The following DIAPH3 variants were observed in gnomAD, a reference collection of about 807,000 sequenced individuals.
DIAPH3 encodes the protein protein diaphanous homolog 3.
In DIAPH3, 117 loss-of-function variants were observed where a neutral mutation model predicts 144.3. The ratio of observed to expected loss-of-function variants is 0.81; its 90% confidence interval spans 0.70 to 0.95. DIAPH3 has a LOEUF of 0.95. Among genes scored for constraint, DIAPH3 ranks in the 40% least tolerant of loss-of-function variants. The probability of loss-of-function intolerance (pLI) is 0.00; values close to 1 mark genes in which losing one functional copy is unlikely to be tolerated. For synonymous variants in DIAPH3, 519 were observed against 488.9 expected (o/e 1.06, Z -0.81); for missense variants, 1,421 against 1,412.7 (o/e 1.01, Z -0.09).
intron 27 of DIAPH3, among the ~76,000 whole-genome samples, chr13:59,764,985 T>C (rs761944014): frequency 4.3e-4 from 66 of 152,110 alleles, no homozygotes; most frequent in Non-Finnish European, 7.9e-4. Context: ...TGTCTACATA[T>C]TGTTGTTCCA....
At chr13:59,706,911 A>T (rs2034461334) in intron 27 of DIAPH3, among the ~76,000 whole-genome samples, 1 of 152,236 alleles carries the variant, frequency 6.6e-6, no homozygotes, top group African/African-American at 2.4e-5. Context: ...ACTAACAAAA[A>T]TATGTTGCTA....
At chr13:59,794,710 T>G (rs1593874836) in intron 25 of DIAPH3, among the ~76,000 whole-genome samples, 2 of 152,272 alleles carry the variant, frequency 1.3e-5, no homozygotes, top group South Asian at 4.2e-4. Flanking sequence ...GGTCTCATTG[T>G]GTGGCCCAGA....
At chr13:59,928,773 C>T (rs965233851) in intron 17 of DIAPH3, among the ~76,000 whole-genome samples, 7 of 152,138 alleles carry the variant, frequency 4.6e-5, no homozygotes, top group African/African-American at 1.7e-4. Context: ...GCCCAAGTGG[C>T]ATGTATATGG....
chr13:59,774,915 G>T, intron 25 of DIAPH3, 92 bp from the exon 26 acceptor site: 1 of 1,040,022 alleles, frequency 9.6e-7, no homozygotes, highest in Non-Finnish European at 1.5e-6. Context: ...GTGATGGTAG[G>T]GAGAAAAAAG....
intron 22 of DIAPH3, among the ~76,000 whole-genome samples, chr13:59,851,351 C>A (rs76767072): frequency 0.012 from 1,800 of 152,234 alleles, 16 homozygotes; most frequent in Middle Eastern, 0.031. Context: ...TCTCAAATAC[C>A]AACATAAATG....
At chr13:60,158,507 C>T (rs886466107) in intron 1 of DIAPH3, among the ~76,000 whole-genome samples, 3 of 152,152 alleles carry the variant, frequency 2.0e-5, no homozygotes, top group Non-Finnish European at 4.4e-5. Flanking sequence ...GATTCAATCT[C>T]CATGTGCTGA....
At chr13:60,004,361 T>C (rs543179952) in intron 9 of DIAPH3, among the ~76,000 whole-genome samples, 2 of 152,352 alleles carry the variant, frequency 1.3e-5, no homozygotes, top group African/African-American at 2.4e-5. Flanking sequence ...TAGGTATTTT[T>C]AGATATTACT....
chr13:59,872,861 A>C (rs2044363902), intron 21 of DIAPH3, among the ~76,000 whole-genome samples: 1 of 152,212 alleles, frequency 6.6e-6, no homozygotes, highest in Non-Finnish European at 1.5e-5. Flanking sequence ...TATGCTTGCT[A>C]TGAGAGCAGG....
chr13:59,843,043 C>T, intron 22 of DIAPH3, among the ~76,000 whole-genome samples: 1 of 152,176 alleles, frequency 6.6e-6, no homozygotes, highest in East Asian at 1.9e-4. Context: ...GCCCACAGTT[C>T]TAACCCTTTA....
intron 9 of DIAPH3, among the ~76,000 whole-genome samples, chr13:60,001,745 T>C (rs1288029710): frequency 6.6e-6 from 1 of 152,196 alleles, no homozygotes; most frequent in South Asian, 2.1e-4. Flanking sequence ...AATGTTCAAG[T>C]GTTTAAAGAA....
chr13:59,929,713 G>A (rs1246984915), intron 17 of DIAPH3, among the ~76,000 whole-genome samples: 1 of 151,222 alleles, frequency 6.6e-6, no homozygotes, highest in Non-Finnish European at 1.5e-5. Context: ...ACAGGCTCAT[G>A]CCATTATGCC....
intron 7 of DIAPH3, chr13:60,012,948 A>T (rs1182072540): frequency 6.3e-6 from 6 of 951,828 alleles, no homozygotes; most frequent in Non-Finnish European, 7.5e-6. Context: ...AGTATCTATA[A>T]ATACAGAATT....
chr13:59,812,248 GCATCCATCCATCCATCCATCCATCCATC>G (rs67202819), intron 24 of DIAPH3, among the ~76,000 whole-genome samples: 3 of 150,022 alleles, frequency 2.0e-5, no homozygotes, highest in East Asian at 3.9e-4. Flanking sequence ...ATGCATGCAT[GCATCCATCCATCCATCCATCCATCCATC>G]CATCCATCCA....
chr13:60,152,495 T>C lies in DIAPH3; in HGVS notation c.180+11092A>G, dbSNP rs552661598. Among the ~76,000 whole-genome samples the C allele has an allele frequency of 5.9e-4, 88 of 149,642 alleles. No homozygotes were observed. In the South Asian group the frequency reaches 0.018, roughly 31 times the overall value. On this transcript the variant is annotated intron_variant, in intron 1 of 27. Coordinates refer to ENST00000400324, the MANE Select transcript of DIAPH3 (RefSeq NM_001042517.2). ...ATTTACTTTTAGGGAAAGATATATA[T>C]ATATATATATAAATTGGAACCCTAA...
intron 17 of DIAPH3, among the ~76,000 whole-genome samples, chr13:59,926,925 A>C (rs1194970710): frequency 6.6e-6 from 1 of 152,168 alleles, no homozygotes; most frequent in East Asian, 1.9e-4. Flanking sequence ...TGAAAGTTAA[A>C]TTCTCCAACT....
chr13:59,669,978 C>A (rs1233371977), intron 27 of DIAPH3, among the ~76,000 whole-genome samples: 1 of 152,172 alleles, frequency 6.6e-6, no homozygotes, highest in Non-Finnish European at 1.5e-5. Context: ...CTTAGTACTC[C>A]TTGATCTATA....
In DIAPH3 at chr13:59,900,338, G is replaced by GT. The variant is rs569550476; in HGVS notation, c.2367+11396dup. Reference sequence around the variant, plus strand: ...TGAGAGCAAGGTCTGGAGGCAAAAAGTTTTTTTTCTTTCACTGCACAGACA... The same window carrying GT: ...TGAGAGCAAGGTCTGGAGGCAAAAAGTTTTTTTTTCTTTCACTGCACAGACA... On this transcript the variant is annotated intron_variant, in intron 20 of 27. Transcript: ENST00000400324. 2.9e-4 allele frequency among the ~76,000 whole-genome samples: 44 copies of GT among 152,084 alleles called. No homozygotes were observed. The East Asian group carries it at 7.3e-3, about 25-fold the overall frequency.
At chr13:60,123,016 A>G (rs1433972096) in intron 2 of DIAPH3, among the ~76,000 whole-genome samples, 1 of 152,172 alleles carries the variant, frequency 6.6e-6, no homozygotes, top group African/African-American at 2.4e-5. Context: ...TATTACCCAT[A>G]AACAAAAAGT....
rs118038134 is a variant in DIAPH3 at position 59,899,410 on chromosome 13, A to G, written c.2367+12325T>C. On this transcript the variant is annotated intron_variant, in intron 20 of 27. Coordinates refer to ENST00000400324, the MANE Select transcript of DIAPH3 (RefSeq NM_001042517.2). ...AGAAGACTTCCACAAAGGACCTGTG[A>G]AAAAAGACCAGAAAGAAATGAGAGA... Among the ~76,000 whole-genome samples the G allele has an allele frequency of 7.9e-5, 12 of 152,330 alleles. 1 individual carries two copies. In the East Asian group the frequency reaches 2.3e-3, roughly 29 times the overall value.
Sources: allele counts gnomAD v4.1 joint callset (sites outside exome capture counted in the v4.1 genomes callset), GRCh38; gene constraint gnomAD v4.1.1; transcripts MANE v1.5; gene names NCBI Gene and HGNC (gene_info 2026-07-23, HGNC 2026-07-21).